NEGR1: variants seen among roughly 807,000 people sequenced by gnomAD.
NEGR1 encodes the protein neuronal growth regulator 1.
Under a neutral mutation model 40.9 loss-of-function variants are expected in NEGR1, and 10 were observed. The ratio of observed to expected loss-of-function variants is 0.24; its 90% CI spans 0.15 to 0.42. The LOEUF is 0.42. NEGR1 is among the 10% of genes least tolerant of loss of function. The pLI is 1.00. For missense variants in NEGR1, 352 were observed against 438.9 expected, an observed-to-expected ratio of 0.80 and a Z score of 1.77; for synonymous variants, 185 against 166.8, an observed-to-expected ratio of 1.11 and a Z score of -0.84.
Position 71,397,971 on chromosome 1 carries a change from T to C in NEGR1, c.*9475A>G, listed in dbSNP as rs112943817. Reference sequence around the variant, plus strand: ...GATTTAAATGAAGCCAAGGTACAGCTTGGGCTGTTGCTTCAGACAGTGGAA... The same window carrying C: ...GATTTAAATGAAGCCAAGGTACAGCCTGGGCTGTTGCTTCAGACAGTGGAA... On this transcript the variant is annotated 3_prime_UTR_variant, in exon 7 of 7. Transcript: ENST00000357731. 4.3e-3 allele frequency: 656 copies of C among 152,386 alleles called. 5 individuals carry two copies. Among genetic ancestry groups the C allele is most frequent in the Middle Eastern group, 0.037 (11 of 294 alleles). 9.4% of individuals were successfully genotyped at this position (152,386 alleles called of 1,614,324 possible).
chr1:71,609,976 G>A (rs866716343), intron 5 of NEGR1, among the ~76,000 whole-genome samples: 2 of 152,068 alleles, frequency 1.3e-5, no homozygotes, highest in African/African-American at 4.8e-5. Flanking sequence ...GATTTGCTTG[G>A]GACTTCTCTC....
chr1:71,563,851 C>G (rs1175514499), intron 6 of NEGR1, among the ~76,000 whole-genome samples: 1 of 151,720 alleles, frequency 6.6e-6, no homozygotes, highest in Non-Finnish European at 1.5e-5. Flanking sequence ...GGGAACTTGT[C>G]CTAGCAGGTT....
chr1:71,528,935 A>G (rs1406258025), intron 6 of NEGR1, among the ~76,000 whole-genome samples: 1 of 151,254 alleles, frequency 6.6e-6, no homozygotes, highest in Non-Finnish European at 1.5e-5. Flanking sequence ...TACAAGTCCA[A>G]CTTAAGAGTC....
chr1:71,686,098 T>C (rs1653027608), intron 4 of NEGR1, among the ~76,000 whole-genome samples: 1 of 152,084 alleles, frequency 6.6e-6, no homozygotes, highest in Non-Finnish European at 1.5e-5. Context: ...CTATACTTCA[T>C]ATAGGAGGAA....
chr1:71,776,855 A>G (rs892167964), intron 2 of NEGR1, among the ~76,000 whole-genome samples: 1 of 152,108 alleles, frequency 6.6e-6, no homozygotes, highest in Admixed American at 6.5e-5. Flanking sequence ...TGTTCTAAGG[A>G]ACACAAATTC....
chr1:71,592,668 C>A, intron 6 of NEGR1, 149 bp downstream of exon 6: 2 of 557,424 alleles, frequency 3.6e-6, no homozygotes, highest in South Asian at 8.7e-5. Context: ...AGCAAAGTTT[C>A]CATGTGTAAG....
chr1:71,960,500 T>A (rs1469726074), intron 1 of NEGR1, among the ~76,000 whole-genome samples: 3 of 152,208 alleles, frequency 2.0e-5, no homozygotes, highest in Non-Finnish European at 4.4e-5. Context: ...AAAGGTTCTA[T>A]AATGTCTAGA....
At chr1:72,181,960 G>A (rs1401981783) in intron 1 of NEGR1, among the ~76,000 whole-genome samples, 2 of 152,106 alleles carry the variant, frequency 1.3e-5, no homozygotes, top group Non-Finnish European at 2.9e-5. Context: ...GAATGAACAA[G>A]TCTAGAGATG....
intron 1 of NEGR1, among the ~76,000 whole-genome samples, chr1:72,047,391 A>G (rs2100468135): frequency 6.6e-6 from 1 of 151,676 alleles, no homozygotes; most frequent in South Asian, 2.1e-4. Flanking sequence ...ATGAGTAACT[A>G]TGCTAGACGA....
intron 6 of NEGR1, among the ~76,000 whole-genome samples, chr1:71,529,964 T>A (rs1227458784): frequency 6.6e-6 from 1 of 151,208 alleles, no homozygotes; most frequent in Admixed American, 6.6e-5. Flanking sequence ...ATATAAAGCA[T>A]AAGTTATGAC....
intron 4 of NEGR1, among the ~76,000 whole-genome samples, chr1:71,646,462 GATT>G (rs1354904293): frequency 6.6e-6 from 1 of 151,684 alleles, no homozygotes; most frequent in Non-Finnish European, 1.5e-5. Context: ...GAAATTAATT[GATT>G]ATTTTTTCCT....
intron 6 of NEGR1, chr1:71,407,871 A>G: frequency 3.8e-6 from 1 of 264,056 alleles, no homozygotes; most frequent in Middle Eastern, 1.2e-3. Context: ...ACACATGCTA[A>G]GTACTCAACA....
intron 1 of NEGR1, among the ~76,000 whole-genome samples, chr1:71,950,177 T>G (rs777121138): frequency 2.4e-4 from 36 of 152,202 alleles, no homozygotes; most frequent in Admixed American, 5.2e-4. Context: ...TTCCTGTTTA[T>G]GTAGTTCAGA....
intron 1 of NEGR1, among the ~76,000 whole-genome samples, chr1:72,009,802 A>G (rs1646640681): frequency 6.6e-6 from 1 of 152,158 alleles, no homozygotes; most frequent in Admixed American, 6.6e-5. Flanking sequence ...GCATTGGCAT[A>G]TTATGGATAT....
chr1:71,447,917 T>C (rs970274335), intron 6 of NEGR1, among the ~76,000 whole-genome samples: 1 of 152,068 alleles, frequency 6.6e-6, no homozygotes, highest in Non-Finnish European at 1.5e-5. Context: ...TCTCCTACAA[T>C]AAGAAAAAAC....
At chr1:72,247,763 T>C (rs902200870) in intron 1 of NEGR1, among the ~76,000 whole-genome samples, 7 of 152,200 alleles carry the variant, frequency 4.6e-5, no homozygotes, top group African/African-American at 1.7e-4. Flanking sequence ...CTTTACATTA[T>C]TGTCCCACCT....
At chr1:71,629,220 G>A (rs903821504) in intron 4 of NEGR1, among the ~76,000 whole-genome samples, 5 of 151,864 alleles carry the variant, frequency 3.3e-5, no homozygotes, top group African/African-American at 9.7e-5. Flanking sequence ...TTTTTAAGAA[G>A]TGTCTGTTCA....
intron 3 of NEGR1, among the ~76,000 whole-genome samples, chr1:71,720,229 T>C (rs1253787012): frequency 1.3e-5 from 2 of 152,214 alleles, no homozygotes; most frequent in African/African-American, 2.4e-5. Flanking sequence ...AATATATTGC[T>C]TGCTGATAGG....
At chr1:71,905,608 C>T (rs1661254471) in intron 2 of NEGR1, among the ~76,000 whole-genome samples, 1 of 151,938 alleles carries the variant, frequency 6.6e-6, no homozygotes, top group African/African-American at 2.4e-5. Context: ...CTTCAGAATT[C>T]TTATGTTGCA....
Sources: allele counts gnomAD v4.1 joint callset (sites outside exome capture counted in the v4.1 genomes callset), GRCh38; gene constraint gnomAD v4.1.1; transcripts MANE v1.5; gene names NCBI Gene and HGNC (gene_info 2026-07-23, HGNC 2026-07-21).